LCOR: variants seen among roughly 807,000 people sequenced by gnomAD.
The protein encoded by LCOR is ligand-dependent corepressor.
Under a neutral mutation model 64.4 loss-of-function variants are expected in LCOR, and 14 were observed. That is an observed-to-expected ratio of 0.22 (90% CI 0.14 to 0.34). The LOEUF (loss-of-function observed/expected upper bound fraction) is 0.34, where lower values mean the gene tolerates loss of function less well. LCOR is among the 10% of genes least tolerant of loss of function. LCOR has a pLI of 1.00. For missense variants in LCOR, 1,686 were observed against 1,765.3 expected (o/e 0.96, Z 0.80); for synonymous variants, 643 against 642.5 (o/e 1.00, Z -0.01).
intron 4 of LCOR, among the ~76,000 whole-genome samples, chr10:96,916,141 C>T (rs765744958): frequency 1.7e-4 from 26 of 152,158 alleles, no homozygotes; most frequent in Non-Finnish European, 3.1e-4. Context: ...ACCCAATTCT[C>T]CTGCCTCAGC....
intron 4 of LCOR, chr10:96,915,897 A>T: frequency 2.3e-6 from 1 of 437,760 alleles, no homozygotes; most frequent in Non-Finnish European, 4.3e-6. Flanking sequence ...GCCTTTCTCT[A>T]GGCATATTGG....
chr10:96,833,868 G>A (rs1305912827), intron 2 of LCOR, among the ~76,000 whole-genome samples: 1 of 152,102 alleles, frequency 6.6e-6, no homozygotes, highest in Admixed American at 6.5e-5. Flanking sequence ...GTTGTGCGAG[G>A]GGGAGAACAG....
In LCOR at chr10:96,995,601, A is replaced by G. The variant is rs1408169340; in HGVS notation, c.*10467A>G. 6.6e-6 allele frequency: 1 copy of G among 152,238 alleles called. No individual in the cohort carries two copies. Among genetic ancestry groups the G allele is most frequent in the Non-Finnish European group, 1.5e-5 (1 of 68,038 alleles). The allele number at this position is 152,238 out of a possible 1,614,324, so 9.4% of individuals were successfully genotyped here. A position where few individuals can be genotyped will look rare whatever the true frequency, so the allele number is the denominator to read the frequency against. Reference sequence around the variant, plus strand: ...GTGTATATATAAAATTTTAAAATATATTAAGTTGCTTTAAAACAATATGTA... The same window carrying G: ...GTGTATATATAAAATTTTAAAATATGTTAAGTTGCTTTAAAACAATATGTA... On this transcript the variant is annotated 3_prime_UTR_variant, in exon 8 of 8. Coordinates refer to ENST00000421806, the MANE Select transcript of LCOR (RefSeq NM_001346516.2). The surrounding 1 kb of genome is among the most constrained non-coding windows in gnomAD (Gnocchi z 4.2).
intron 2 of LCOR, among the ~76,000 whole-genome samples, chr10:96,837,506 C>T (rs544833193): frequency 2.0e-4 from 31 of 151,340 alleles, no homozygotes; most frequent in Middle Eastern, 3.5e-3. Context: ...TCCACCACCT[C>T]GGCCTCCCAA....
chr10:96,984,449 A>T lies in LCOR; in HGVS notation c.3989A>T (p.Glu1330Val). 6.2e-7 allele frequency: 1 copy of T among 1,614,226 alleles called. No individual in the cohort carries two copies. The highest frequency in any genetic ancestry group is 1.1e-5 in the South Asian group (1 of 91,078). ...LRAQQRLIKNEKMECPDALAV... is the reference protein window; with the variant it reads ...LRAQQRLIKNVKMECPDALAV... Reference sequence around the variant, plus strand: ...GCCCAGCAACGTTTAATCAAGAATGAGAAAATGGAATGCCCAGATGCTCTG... The same window carrying T: ...GCCCAGCAACGTTTAATCAAGAATGTGAAAATGGAATGCCCAGATGCTCTG... Residue 1330 changes from glutamate (E) to valine (V), a missense_variant, in exon 8 of 8, where the codon GAG becomes GTG. By Grantham distance (121) the Glu-to-Val change is moderately radical. Transcript: ENST00000421806.
At chr10:96,897,776 GT>G (rs1322074420) in intron 2 of LCOR, among the ~76,000 whole-genome samples, 1 of 151,248 alleles carries the variant, frequency 6.6e-6, no homozygotes, top group Admixed American at 6.6e-5. Flanking sequence ...AGCAAAAGCT[GT>G]TTGTGGGCCA....
chr10:96,841,104 A>G (rs1845531945), intron 2 of LCOR, among the ~76,000 whole-genome samples: 1 of 152,192 alleles, frequency 6.6e-6, no homozygotes, highest in Non-Finnish European at 1.5e-5. Flanking sequence ...TGATTGCATC[A>G]CTGTACTCTA....
chr10:96,971,758 C>T (rs1848001177), intron 7 of LCOR, among the ~76,000 whole-genome samples: 1 of 152,014 alleles, frequency 6.6e-6, no homozygotes, highest in South Asian at 2.1e-4. Flanking sequence ...TAGCATTTTC[C>T]AAAGAAAGTC....
At chr10:96,938,481 A>G (rs1847391106) in intron 4 of LCOR, among the ~76,000 whole-genome samples, 2 of 152,128 alleles carry the variant, frequency 1.3e-5, no homozygotes, top group African/African-American at 4.8e-5. Flanking sequence ...GAAACAAGGC[A>G]GGATGTCCAC....
In LCOR at chr10:96,835,185, A is replaced by G. The variant is rs142466803; in HGVS notation, c.-330+1706A>G. 7.1e-3 allele frequency among the ~76,000 whole-genome samples: 1,081 copies of G among 151,292 alleles called. 14 individuals carry two copies. The highest frequency in any genetic ancestry group is 0.026 in the African/African-American group (1,043 of 40,764). On this transcript the variant is annotated intron_variant, in intron 2 of 7. Coordinates refer to ENST00000421806, the MANE Select transcript of LCOR (RefSeq NM_001346516.2). ...AAGTGCTGAAATTTACAGGCGTGAG[A>G]GCCACTGTGCCCGGCCGTGTTTTTG...
chr10:96,915,549 A>G lies in LCOR; in HGVS notation c.-184+7802A>G. ...ATAAATAAATAAAACAAAATTCTGCATTTTTATGAAACTTGGTAAAAAATA... is the reference window on the plus strand; with the variant it reads ...ATAAATAAATAAAACAAAATTCTGCGTTTTTATGAAACTTGGTAAAAAATA... On this transcript the variant is annotated intron_variant, in intron 4 of 7. Transcript: ENST00000421806. 8 of 629,364 alleles carry G rather than the reference A, an allele frequency of 1.3e-5. No individual in the cohort carries two copies. In the South Asian group the frequency reaches 1.3e-4, roughly 10 times the overall value. The allele number at this position is 629,364 out of a possible 1,614,324, so 39.0% of individuals were successfully genotyped here.
At chr10:96,873,574 G>A (rs12246075) in intron 2 of LCOR, among the ~76,000 whole-genome samples, 19 of 65,942 alleles carry the variant, frequency 2.9e-4, no homozygotes, top group African/African-American at 2.0e-3. Context: ...ACACACACGT[G>A]TGTGTGTGTG....
At chr10:96,833,357 C>T (rs1409066581) in intron 1 of LCOR, 49 bp from the exon 2 acceptor site, 6 of 977,610 alleles carry the variant, frequency 6.1e-6, no homozygotes, top group Non-Finnish European at 7.3e-6. Context: ...GCCGGGCGGC[C>T]GAGCTGCGCC....
At chr10:96,895,309 C>T (rs1056171033) in intron 2 of LCOR, among the ~76,000 whole-genome samples, 1 of 152,126 alleles carries the variant, frequency 6.6e-6, no homozygotes, top group African/African-American at 2.4e-5. Flanking sequence ...GTTCACAGAC[C>T]AAAAGTGTAA....
intron 4 of LCOR, among the ~76,000 whole-genome samples, chr10:96,927,546 C>G (rs1366951283): frequency 6.6e-6 from 1 of 151,800 alleles, no homozygotes; most frequent in Non-Finnish European, 1.5e-5. Context: ...TTGCCTATAC[C>G]AAATGCAAAA....
At chr10:96,893,524 G>T (rs2134435645) in intron 2 of LCOR, among the ~76,000 whole-genome samples, 1 of 152,244 alleles carries the variant, frequency 6.6e-6, no homozygotes, top group South Asian at 2.1e-4. Context: ...CAGCACTTTG[G>T]GAGGCCGATG....
intron 6 of LCOR, among the ~76,000 whole-genome samples, chr10:96,951,466 A>G (rs1394511450): frequency 6.6e-6 from 1 of 152,122 alleles, no homozygotes; most frequent in Non-Finnish European, 1.5e-5. Context: ...AAATTTTTTT[A>G]AAGGATTGAA....
intron 1 of LCOR, 57 bp from the exon 2 acceptor site, chr10:96,833,349 C>T (rs941752154): frequency 1.2e-4 from 115 of 973,368 alleles, no homozygotes; most frequent in Non-Finnish European, 1.4e-4. Context: ...CGGGAGGGGC[C>T]GGGCGGCCGA....
Position 96,981,499 on chromosome 10 carries a change from T to C in LCOR, c.1039T>C (p.Leu347=). 1 of 1,614,226 alleles carries C rather than the reference T, an allele frequency of 6.2e-7. No individual in the cohort carries two copies. Among genetic ancestry groups the C allele is most frequent in the Non-Finnish European group, 8.5e-7 (1 of 1,180,034 alleles). ...TCCTCAAAGAAATTTGTTCAAAGCTTTATCAGAAGAGGCTTGGAACTCAGG... is the reference window on the plus strand; with the variant it reads ...TCCTCAAAGAAATTTGTTCAAAGCTCTATCAGAAGAGGCTTGGAACTCAGG... The part of the protein sequence containing the change: ...IIPQRNLFKA[L]SEEAWNSGFM... The change falls in exon 8 of 8, where the codon TTA becomes CTA. Residue 347 remains leucine, a synonymous_variant. Transcript: ENST00000421806.
Sources: allele counts gnomAD v4.1 joint callset (sites outside exome capture counted in the v4.1 genomes callset), GRCh38; gene constraint gnomAD v4.1.1; non-coding constraint Gnocchi (gnomAD v3.1); transcripts MANE v1.5; gene names NCBI Gene and HGNC (gene_info 2026-07-23, HGNC 2026-07-21).